ABCB5: variants seen among roughly 807,000 people sequenced by gnomAD.
The protein encoded by ABCB5 is ATP-binding cassette sub-family B member 5.
Under a neutral mutation model 144.2 loss-of-function variants are expected in ABCB5, and 155 were observed. The ratio of observed to expected loss-of-function variants is 1.08; its 90% CI spans 0.94 to 1.23. ABCB5 has a LOEUF of 1.23. Ranked by LOEUF, ABCB5 falls within the 50% of genes most tolerant of loss-of-function variation. The pLI is 0.00. For synonymous variants in ABCB5, 610 were observed against 528.6 expected, an observed-to-expected ratio of 1.15 and a Z score of -2.11; for missense variants, 1,830 against 1,520.8, an observed-to-expected ratio of 1.20 and a Z score of -3.38.
intron 16 of ABCB5, among the ~76,000 whole-genome samples, chr7:20,689,196 C>T (rs900568082): frequency 6.6e-6 from 1 of 152,086 alleles, no homozygotes; most frequent in African/African-American, 2.4e-5. Context: ...AAGTAGCACC[C>T]CACTACCGCT....
chr7:20,654,845 T>C (rs751672027), intron 13 of ABCB5, among the ~76,000 whole-genome samples: 25 of 152,090 alleles, frequency 1.6e-4, no homozygotes, highest in Admixed American at 2.6e-4. Context: ...GAGAAACTTA[T>C]AGTATTTAAT....
At chr7:20,747,289 G>C (rs1295010165) in intron 26 of ABCB5, among the ~76,000 whole-genome samples, 1 of 152,014 alleles carries the variant, frequency 6.6e-6, no homozygotes, top group Non-Finnish European at 1.5e-5. Flanking sequence ...TTTTTCCTTT[G>C]AGACAAGGCC....
chr7:20,693,969 A>G (rs2128042087), intron 16 of ABCB5, among the ~76,000 whole-genome samples: 1 of 151,958 alleles, frequency 6.6e-6, no homozygotes, highest in African/African-American at 2.4e-5. Flanking sequence ...GATAGTTTGA[A>G]TATTCTTACA....
At chr7:20,678,885 T>A (rs2128038045) in intron 14 of ABCB5, among the ~76,000 whole-genome samples, 1 of 152,266 alleles carries the variant, frequency 6.6e-6, no homozygotes, top group East Asian at 1.9e-4. Context: ...GAAATGATGG[T>A]CTTCAAAATA....
At chr7:20,730,245 C>T (rs1251273609) in intron 23 of ABCB5, among the ~76,000 whole-genome samples, 2 of 152,232 alleles carry the variant, frequency 1.3e-5, no homozygotes, top group Non-Finnish European at 2.9e-5. Flanking sequence ...TGTGGTGGCT[C>T]ATGCCTCTAA....
At chr7:20,617,505 T>C (rs1031449938) in intron 1 of ABCB5, among the ~76,000 whole-genome samples, 1 of 152,186 alleles carries the variant, frequency 6.6e-6, no homozygotes, top group Non-Finnish European at 1.5e-5. Flanking sequence ...TTTAGGAAGA[T>C]AAAATTTCCT....
At position 20,643,607 on chromosome 7, in the gene ABCB5, T is replaced by C; in HGVS notation, c.653T>C (p.Met218Thr). 1.9e-6 allele frequency: 3 copies of C among 1,613,972 alleles called. No homozygotes were observed. The highest frequency in any genetic ancestry group is 8.5e-7 in the Non-Finnish European group (1 of 1,179,888). The change falls in exon 7 of 28, where the codon ATG (methionine) becomes ACG (threonine). Residue 218 changes from methionine (M) to threonine (T), a missense_variant. Met to Thr is a moderately conservative substitution (Grantham distance 81, BLOSUM62 -1). Coordinates refer to ENST00000404938, the MANE Select transcript of ABCB5 (RefSeq NM_001163941.2). The part of the protein sequence containing the change: ...LVTLSTSPLI[M>T]ASAAACSRMV... ...ACTCTATCCACGTCTCCTCTTATAA[T>C]GGCTTCAGCGGCAGCATGTTCTAGG...
intron 14 of ABCB5, chr7:20,660,130 G>A: frequency 2.0e-6 from 2 of 982,706 alleles, no homozygotes; most frequent in South Asian, 4.7e-5. Flanking sequence ...TAGTTGCTTG[G>A]TGACATGATA....
intron 21 of ABCB5, among the ~76,000 whole-genome samples, chr7:20,725,158 G>A (rs1049760713): frequency 3.9e-5 from 6 of 152,146 alleles, no homozygotes; most frequent in African/African-American, 1.4e-4. Context: ...TCAATTGGAG[G>A]CATTTCCCTA....
intron 19 of ABCB5, among the ~76,000 whole-genome samples, chr7:20,702,570 C>T (rs566280034): frequency 1.3e-5 from 2 of 152,070 alleles, no homozygotes; most frequent in South Asian, 4.2e-4. Flanking sequence ...CACATGTACT[C>T]TTCAACTTGA....
intron 13 of ABCB5, among the ~76,000 whole-genome samples, chr7:20,652,667 A>G (rs1461203465): frequency 6.6e-6 from 1 of 152,262 alleles, no homozygotes; most frequent in Non-Finnish European, 1.5e-5. Context: ...ATTGTTAACC[A>G]GACTTACGAG....
chr7:20,707,801 CTTTTTT>C (rs67014566), intron 20 of ABCB5, among the ~76,000 whole-genome samples: 6 of 93,060 alleles, frequency 6.4e-5, no homozygotes, highest in Admixed American at 1.3e-4. Context: ...AACCTCATTT[CTTTTTT>C]TTTTTTTTTT....
chr7:20,667,107 C>T (rs1785224427), intron 14 of ABCB5: 1 of 721,124 alleles, frequency 1.4e-6, no homozygotes, highest in Non-Finnish European at 1.7e-6. Flanking sequence ...TTTTATGGAC[C>T]TCTGAGGCAC....
intron 15 of ABCB5, among the ~76,000 whole-genome samples, chr7:20,682,872 G>C (rs1447069954): frequency 1.3e-5 from 2 of 152,138 alleles, no homozygotes; most frequent in African/African-American, 4.8e-5. Context: ...ATACTTGCGT[G>C]TGTCATGGAT....
intron 7 of ABCB5, among the ~76,000 whole-genome samples, chr7:20,643,854 G>T (rs931822812): frequency 6.6e-6 from 1 of 152,142 alleles, no homozygotes; most frequent in African/African-American, 2.4e-5. Context: ...TACTAACATT[G>T]AAAACATTTC....
At chr7:20,706,964 T>C (rs528131687) in intron 20 of ABCB5, among the ~76,000 whole-genome samples, 3 of 152,220 alleles carry the variant, frequency 2.0e-5, no homozygotes, top group Non-Finnish European at 4.4e-5. Flanking sequence ...TAAAGATGGA[T>C]TCATATTCAA....
At chr7:20,669,645 A>G (rs1443315245) in intron 14 of ABCB5, among the ~76,000 whole-genome samples, 1 of 120,116 alleles carries the variant, frequency 8.3e-6, no homozygotes, top group Non-Finnish European at 1.7e-5. Flanking sequence ...TCACTTGTTT[A>G]TCTGCTGACC....
intron 16 of ABCB5, among the ~76,000 whole-genome samples, chr7:20,688,831 A>C (rs1209052185): frequency 6.6e-6 from 1 of 152,310 alleles, no homozygotes; most frequent in African/African-American, 2.4e-5. Context: ...GGCATGGATG[A>C]AGCTGGAAAC....
intron 2 of ABCB5, among the ~76,000 whole-genome samples, chr7:20,625,698 G>A (rs1783893632): frequency 6.6e-6 from 1 of 152,158 alleles, no homozygotes; most frequent in Admixed American, 6.5e-5. Flanking sequence ...CCTTGTTCTG[G>A]CAGGAATGTA....
Sources: gnomAD v4.1 joint callset for allele counts (sites outside exome capture counted in the v4.1 genomes callset) on GRCh38, gnomAD v4.1.1 for gene constraint, MANE v1.5 for transcripts, NCBI Gene and HGNC (gene_info 2026-07-23, HGNC 2026-07-21) for gene names.